The following TBC1D22A variants were observed in gnomAD, a reference collection of about 807,000 sequenced individuals.
TBC1D22A encodes putative GTPase activator.
Under a neutral mutation model 60.2 loss-of-function variants are expected in TBC1D22A, and 38 were observed. The observed-to-expected ratio is 0.63, with a 90% CI of 0.49 to 0.83. The LOEUF is 0.83. Ranked by LOEUF, TBC1D22A falls within the 40% of genes least tolerant of loss-of-function variation. TBC1D22A has a pLI of 0.00. For synonymous variants in TBC1D22A, 302 were observed against 281.7 expected (o/e 1.07, Z -0.72); for missense variants, 628 against 701.0 (o/e 0.90, Z 1.18).
At chr22:47,111,132 C>T (rs2065829355) in intron 11 of TBC1D22A, among the ~76,000 whole-genome samples, 2 of 152,194 alleles carry the variant, frequency 1.3e-5, no homozygotes, top group African/African-American at 4.8e-5. Flanking sequence ...TGGGAGGAGG[C>T]CTCCCTCACG....
chr22:46,995,513 TTGTGTG>T (rs560356769), intron 9 of TBC1D22A, among the ~76,000 whole-genome samples: 5 of 151,096 alleles, frequency 3.3e-5, no homozygotes, highest in African/African-American at 7.3e-5. Context: ...TGCACGCACT[TTGTGTG>T]TGTGTGTGTG....
chr22:46,794,561 C>G (rs2084568238), intron 3 of TBC1D22A, among the ~76,000 whole-genome samples: 1 of 152,210 alleles, frequency 6.6e-6, no homozygotes, highest in Non-Finnish European at 1.5e-5. Context: ...GTTTTCAGAG[C>G]TTGGGAGACC....
At chr22:46,975,285 A>G (rs779142292) in intron 9 of TBC1D22A, among the ~76,000 whole-genome samples, 1 of 152,116 alleles carries the variant, frequency 6.6e-6, no homozygotes, top group African/African-American at 2.4e-5. Context: ...ACGGGTGAGT[A>G]TGGCATGAGG....
chr22:47,079,084 C>CTT (rs35269996), intron 11 of TBC1D22A, among the ~76,000 whole-genome samples: 33,125 of 124,486 alleles, frequency 0.27, 5,018 homozygotes, highest in East Asian at 0.53. Context: ...GTAGAGCAGA[C>CTT]TTTTTTTTTT....
chr22:46,978,926 C>A (rs2074408768), intron 9 of TBC1D22A, among the ~76,000 whole-genome samples: 1 of 152,080 alleles, frequency 6.6e-6, no homozygotes, highest in Non-Finnish European at 1.5e-5. Flanking sequence ...GTTTTAATAG[C>A]CTTTTCAGGT....
At chr22:47,074,241 C>A (rs534184925) in intron 11 of TBC1D22A, among the ~76,000 whole-genome samples, 54 of 152,338 alleles carry the variant, frequency 3.5e-4, no homozygotes, top group African/African-American at 1.3e-3. Context: ...GCTAGGAATC[C>A]AAGCCAGGTT....
chr22:47,173,280 G>T (rs564776866), intron 12 of TBC1D22A, among the ~76,000 whole-genome samples: 1 of 152,146 alleles, frequency 6.6e-6, no homozygotes, highest in Non-Finnish European at 1.5e-5. Flanking sequence ...AGCAGCTGCC[G>T]GCTGGGCAAG....
intron 10 of TBC1D22A, among the ~76,000 whole-genome samples, chr22:47,002,362 TC>T (rs2061434343): frequency 6.6e-6 from 1 of 152,252 alleles, no homozygotes; most frequent in Admixed American, 6.5e-5. Flanking sequence ...GGAGTGGGCT[TC>T]AGCCCTAGCC....
At chr22:46,894,054 T>A (rs1044577902) in intron 6 of TBC1D22A, among the ~76,000 whole-genome samples, 1 of 152,184 alleles carries the variant, frequency 6.6e-6, no homozygotes, top group Non-Finnish European at 1.5e-5. Context: ...AATTGCAGCA[T>A]CTCCCTTGGC....
rs189183082 is a variant in TBC1D22A, at chr22:47,162,757, G to A, written c.1426-10741G>A. 5.9e-3 allele frequency among the ~76,000 whole-genome samples: 790 copies of A among 134,370 alleles called. 30 individuals carry two copies. The highest frequency in any genetic ancestry group is 0.023 in the African/African-American group (750 of 32,046). The allele number at this position is 134,370 out of a possible 152,430, so 88.2% of individuals were successfully genotyped here. A position where few individuals can be genotyped will look rare whatever the true frequency, so the allele number is the denominator to read the frequency against. ...CTGCGGACCCGGTGCAGGGAGAGTCGGGGGAGTGGGACTGCGGACCCAGTG... is the reference window on the plus strand; with the variant it reads ...CTGCGGACCCGGTGCAGGGAGAGTCAGGGGAGTGGGACTGCGGACCCAGTG... On this transcript the variant is annotated intron_variant, in intron 12 of 12. Transcript: ENST00000337137.
intron 4 of TBC1D22A, among the ~76,000 whole-genome samples, chr22:46,855,080 C>T (rs1235663744): frequency 6.6e-6 from 1 of 152,176 alleles, no homozygotes; most frequent in Non-Finnish European, 1.5e-5. Flanking sequence ...CCAGTGCTAC[C>T]AGGAAGCCTC....
rs937770821 is a variant in TBC1D22A, at chr22:46,876,074, A to G, written c.638-2579A>G. Among the ~76,000 whole-genome samples the G allele has an allele frequency of 2.0e-5, 3 of 152,172 alleles. No individual in the cohort carries two copies. The East Asian group carries it at 5.8e-4, about 29-fold the overall frequency. ...CCCTGAGAGCTGCATGGAATTTGAC[A>G]AATCGGAGATTAAAGTGGCGACGTC... is the stretch of plus-strand genomic sequence containing the variant. On this transcript the variant is annotated intron_variant, in intron 4 of 12. Transcript: ENST00000337137.
intron 7 of TBC1D22A, among the ~76,000 whole-genome samples, chr22:46,904,166 C>T (rs1467993021): frequency 2.1e-5 from 3 of 144,582 alleles, no homozygotes; most frequent in African/African-American, 7.7e-5. Flanking sequence ...TACCTACCTA[C>T]CTACCTACCA....
intron 8 of TBC1D22A, among the ~76,000 whole-genome samples, chr22:46,973,512 T>G (rs192690549): frequency 3.4e-4 from 52 of 152,348 alleles, no homozygotes; most frequent in Admixed American, 3.2e-3. Flanking sequence ...GAAATGTTTC[T>G]TTTCTTAAAG....
chr22:46,896,976 GA>G (rs1415951662), intron 7 of TBC1D22A, among the ~76,000 whole-genome samples: 1 of 152,130 alleles, frequency 6.6e-6, no homozygotes, highest in Non-Finnish European at 1.5e-5. Flanking sequence ...ATAGCTTTAT[GA>G]AATTAAATAT....
intron 12 of TBC1D22A, among the ~76,000 whole-genome samples, chr22:47,159,688 G>A (rs1475712841): frequency 6.7e-6 from 1 of 149,550 alleles, no homozygotes. Flanking sequence ...GACACGCCAT[G>A]CACCACACAC....
intron 11 of TBC1D22A, among the ~76,000 whole-genome samples, chr22:47,084,722 G>A (rs1209952608): frequency 6.6e-6 from 1 of 152,178 alleles, no homozygotes; most frequent in Admixed American, 6.5e-5. Flanking sequence ...TGTATGAAAA[G>A]TCCCTGATGA....
rs188446807 is a variant in TBC1D22A at position 47,142,941 on chromosome 22, C to G, written c.1426-30557C>G. Among the ~76,000 whole-genome samples the G allele has an allele frequency of 2.8e-3, 413 of 145,752 alleles. 2 individuals carry two copies. The highest frequency in any genetic ancestry group is 4.7e-3 in the Non-Finnish European group (311 of 66,596). ...GGACACATACTCTGTTGCTCTCAGT[C>G]AAGCACTGTGGAGTTCTGAGCCTTT... is the stretch of plus-strand genomic sequence containing the variant. On this transcript the variant is annotated intron_variant, in intron 12 of 12. Coordinates refer to ENST00000337137, the MANE Select transcript of TBC1D22A (RefSeq NM_014346.5).
intron 4 of TBC1D22A, among the ~76,000 whole-genome samples, chr22:46,804,803 T>C (rs909386755): frequency 4.6e-5 from 7 of 152,242 alleles, no homozygotes; most frequent in Non-Finnish European, 1.0e-4. Flanking sequence ...TAGTCTGTAA[T>C]ATTAAAAGCA....
Sources: allele counts gnomAD v4.1 joint callset (sites outside exome capture counted in the v4.1 genomes callset), GRCh38; gene constraint gnomAD v4.1.1; transcripts MANE v1.5; gene names NCBI Gene and HGNC (gene_info 2026-07-23, HGNC 2026-07-21).